KLF12: variants seen among roughly 807,000 people sequenced by gnomAD.
KLF12 encodes Krueppel-like factor 12.
Under a neutral mutation model 37.8 loss-of-function variants are expected in KLF12, and 9 were observed. The observed-to-expected ratio is 0.24, with a 90% CI of 0.14 to 0.42. The LOEUF is 0.42. Among genes scored for constraint, KLF12 ranks in the 10% least tolerant of loss-of-function variants. The pLI is 1.00. For synonymous variants in KLF12, 208 were observed against 202.1 expected (o/e 1.03, Z -0.25); for missense variants, 411 against 516.0 (o/e 0.80, Z 1.97).
At chr13:74,286,216 G>T in the KLF12 span, among the ~76,000 whole-genome samples, 2 of 151,688 alleles carry the variant, frequency 1.3e-5, no homozygotes, top group African/African-American at 4.9e-5. Context: ...TTTCTAAGAG[G>T]GTGTGCCACA....
At chr13:74,063,877 T>C (rs1873752586) in intron 1 of KLF12, among the ~76,000 whole-genome samples, 1 of 152,186 alleles carries the variant, frequency 6.6e-6, no homozygotes, top group South Asian at 2.1e-4. Flanking sequence ...GATGTTCCAG[T>C]TTCCTAATTC....
chr13:74,255,493 GA>G, the KLF12 span, among the ~76,000 whole-genome samples: 1 of 152,166 alleles, frequency 6.6e-6, no homozygotes, highest in Non-Finnish European at 1.5e-5. Flanking sequence ...CTACTAATCA[GA>G]ATTTCATTGA....
At chr13:74,159,496 A>T in the KLF12 span, among the ~76,000 whole-genome samples, 3 of 152,224 alleles carry the variant, frequency 2.0e-5, no homozygotes, top group African/African-American at 7.2e-5. Flanking sequence ...ATGTTGTCCC[A>T]TGCTAAAGAA....
intron 7 of KLF12, among the ~76,000 whole-genome samples, chr13:73,713,583 C>G (rs1442600343): frequency 6.6e-6 from 1 of 152,204 alleles, no homozygotes. Context: ...CCCTTAGAGT[C>G]TGTGATTTCA....
chr13:73,817,454 C>G (rs1419114560), intron 4 of KLF12, among the ~76,000 whole-genome samples: 5 of 151,954 alleles, frequency 3.3e-5, no homozygotes, highest in Admixed American at 6.6e-5. Flanking sequence ...AGGTTATTCT[C>G]CCAGCTCCTT....
chr13:73,735,772 G>T (rs750769292), intron 6 of KLF12, among the ~76,000 whole-genome samples: 3 of 152,096 alleles, frequency 2.0e-5, no homozygotes, highest in Non-Finnish European at 2.9e-5. Flanking sequence ...TATTTAATCT[G>T]CAGAACAACT....
chr13:74,040,912 G>T (rs1893384128), intron 1 of KLF12, among the ~76,000 whole-genome samples: 1 of 152,072 alleles, frequency 6.6e-6, no homozygotes, highest in Non-Finnish European at 1.5e-5. Context: ...CCTTCACCCA[G>T]ACCTTTCCCA....
At chr13:73,737,483 G>A (rs977611075) in intron 6 of KLF12, among the ~76,000 whole-genome samples, 22 of 152,128 alleles carry the variant, frequency 1.4e-4, no homozygotes, top group African/African-American at 5.1e-4. Context: ...AAATAAGACA[G>A]TGGAACTAAA....
At chr13:74,196,425 C>T in the KLF12 span, among the ~76,000 whole-genome samples, 1 of 152,090 alleles carries the variant, frequency 6.6e-6, no homozygotes, top group Non-Finnish European at 1.5e-5. Context: ...CAACCCTTGA[C>T]CCAAAGTCAC....
the KLF12 span, among the ~76,000 whole-genome samples, chr13:74,157,761 A>G: frequency 2.0e-5 from 3 of 152,176 alleles, no homozygotes; most frequent in African/African-American, 7.2e-5. Flanking sequence ...GGGTCAGAGA[A>G]AACAGTTAAG....
chr13:73,876,137 T>TAA (rs1886690886), intron 3 of KLF12, among the ~76,000 whole-genome samples: 1 of 148,094 alleles, frequency 6.8e-6, no homozygotes, highest in Non-Finnish European at 1.5e-5. Flanking sequence ...AGCTGGGTGC[T>TAA]ATACTCAGCT....
At chr13:74,025,601 A>C (rs1459615316) in intron 1 of KLF12, among the ~76,000 whole-genome samples, 1 of 152,174 alleles carries the variant, frequency 6.6e-6, no homozygotes, top group Non-Finnish European at 1.5e-5. Context: ...TAGTCTAAAC[A>C]GATGCAAGAG....
At chr13:73,830,916 C>T (rs1884115749) in intron 4 of KLF12, among the ~76,000 whole-genome samples, 1 of 150,802 alleles carries the variant, frequency 6.6e-6, no homozygotes, top group Admixed American at 6.7e-5. Flanking sequence ...CTGCAGGATG[C>T]TAAAGAAATG....
intron 3 of KLF12, among the ~76,000 whole-genome samples, chr13:73,884,485 T>A (rs1475808602): frequency 1.3e-5 from 2 of 152,208 alleles, no homozygotes; most frequent in African/African-American, 4.8e-5. Context: ...CTGGACCCAA[T>A]GCCATCGAGG....
chr13:74,097,981 A>C (rs1472490014), intron 1 of KLF12, among the ~76,000 whole-genome samples: 1 of 152,152 alleles, frequency 6.6e-6, no homozygotes, highest in African/African-American at 2.4e-5. Flanking sequence ...AGACTAAAAA[A>C]TGGCAACAAC....
chr13:74,186,384 G>C, the KLF12 span, among the ~76,000 whole-genome samples: 27 of 152,090 alleles, frequency 1.8e-4, no homozygotes, highest in Admixed American at 1.6e-3. Context: ...CCTCACCAAA[G>C]TCCAGTGTTC....
In KLF12 at chr13:73,690,614, TGA is replaced by T. The variant is rs1455248383; in HGVS notation, c.*4874_*4875del. The T allele has an allele frequency of 6.6e-6, 1 of 152,186 alleles. No individual in the cohort carries two copies. The highest frequency in any genetic ancestry group is 1.5e-5 in the Non-Finnish European group (1 of 68,024). The allele number at this position is 152,186 out of a possible 1,614,324, so 9.4% of individuals were successfully genotyped here. ...ACCATGACAAGTGGCCACTCTATTT[TGA>T]ACAGAACACGAAGAGCATGCTCTGA... On this transcript the variant is annotated 3_prime_UTR_variant, in exon 8 of 8. Coordinates refer to ENST00000377669, the MANE Select transcript of KLF12 (RefSeq NM_007249.5).
At chr13:74,274,955 G>C in the KLF12 span, among the ~76,000 whole-genome samples, 2 of 152,058 alleles carry the variant, frequency 1.3e-5, no homozygotes, top group African/African-American at 2.4e-5. Context: ...CAATCTGTGA[G>C]TCTTGGTTAA....
At chr13:74,204,210 T>C in the KLF12 span, among the ~76,000 whole-genome samples, 5 of 152,208 alleles carry the variant, frequency 3.3e-5, no homozygotes, top group African/African-American at 4.8e-5. Context: ...ATGAGGATGT[T>C]GCTTAGCATT....
Sources: gnomAD v4.1 joint callset for allele counts (sites outside exome capture counted in the v4.1 genomes callset) on GRCh38, gnomAD v4.1.1 for gene constraint, MANE v1.5 for transcripts, NCBI Gene and HGNC (gene_info 2026-07-23, HGNC 2026-07-21) for gene names.